CFAP54: variants seen among roughly 807,000 people sequenced by gnomAD.
CFAP54 encodes the protein cilia- and flagella-associated protein 54.
A neutral mutation model predicts 370.4 loss-of-function variants in CFAP54; 290 were observed. That is an observed-to-expected ratio of 0.78 (90% CI 0.71 to 0.86). CFAP54 has a LOEUF of 0.86. CFAP54 is among the 40% of genes least tolerant of loss of function. The probability of loss-of-function intolerance (pLI) is 0.00; values close to 1 mark genes in which losing one functional copy is unlikely to be tolerated. For missense variants in CFAP54, 3,399 were observed against 3,528.7 expected, an observed-to-expected ratio of 0.96 and a Z score of 0.93; for synonymous variants, 1,206 against 1,236.5, an observed-to-expected ratio of 0.98 and a Z score of 0.52.
chr12:96,603,288 C>G (rs186696023), intron 26 of CFAP54, among the ~76,000 whole-genome samples: 76 of 152,330 alleles, frequency 5.0e-4, no homozygotes, highest in African/African-American at 1.7e-3. Flanking sequence ...TTGTCCCCCA[C>G]TCTCTTCTGG....
chr12:96,739,716 A>G (rs1958027942), intron 50 of CFAP54, among the ~76,000 whole-genome samples: 2 of 152,136 alleles, frequency 1.3e-5, no homozygotes, highest in African/African-American at 4.8e-5. Context: ...TAGATGCTCA[A>G]TTTCAATAGG....
chr12:96,682,216 C>CAT, intron 40 of CFAP54: 1 of 985,592 alleles, frequency 1.0e-6, no homozygotes, highest in Non-Finnish European at 1.2e-6. Context: ...AGAGGAGATG[C>CAT]ATATGTCAAT....
intron 33 of CFAP54, chr12:96,646,000 G>C (rs1956785756): frequency 6.6e-6 from 1 of 152,090 alleles, no homozygotes; most frequent in Non-Finnish European, 1.5e-5. Flanking sequence ...AAAAACCCTA[G>C]AAGAAAACCT....
intron 32 of CFAP54, among the ~76,000 whole-genome samples, chr12:96,635,660 C>T (rs531244274): frequency 6.6e-6 from 1 of 152,338 alleles, no homozygotes; most frequent in African/African-American, 2.4e-5. Context: ...AGGCCACTCA[C>T]AAATGTGATA....
chr12:96,764,991 T>G, intron 59 of CFAP54, 86 bp from the exon 60 acceptor site: 1 of 1,023,766 alleles, frequency 9.8e-7, no homozygotes, highest in Admixed American at 3.1e-5. Flanking sequence ...TTTTATGAAT[T>G]CACTTTTTTC....
rs1158920420 is a variant in CFAP54, at chr12:96,838,095, C to G, written c.9171+9007C>G. Among the ~76,000 whole-genome samples the G allele has an allele frequency of 2.6e-5, 4 of 152,050 alleles. No individual in the cohort carries two copies. The East Asian group carries it at 7.7e-4, about 29-fold the overall frequency. Reference sequence around the variant, plus strand: ...AAATGATTGGAAAGTAATAGAATATCCTTAGAAAGATACACACATGATCAG... The same window carrying G: ...AAATGATTGGAAAGTAATAGAATATGCTTAGAAAGATACACACATGATCAG... On this transcript the variant is annotated intron_variant, in intron 66 of 67. Transcript: ENST00000524981.
Position 96,694,111 on chromosome 12 carries a change from A to G in CFAP54, c.6351+303A>G, listed in dbSNP as rs569163383. Among the ~76,000 whole-genome samples the G allele has an allele frequency of 4.6e-5, 7 of 152,368 alleles. No homozygotes were observed. The South Asian group carries it at 1.4e-3, about 32-fold the overall frequency. On this transcript the variant is annotated intron_variant, in intron 45 of 67. Coordinates refer to ENST00000524981, the MANE Select transcript of CFAP54 (RefSeq NM_001306084.2). ...GAGACTGGCTTCCTGGTGAAGACCA[A>G]CTGAACCAGATTTCTGAGCTTCTGT...
At chr12:96,668,941 T>C (rs1281586724) in intron 39 of CFAP54, among the ~76,000 whole-genome samples, 2 of 152,178 alleles carry the variant, frequency 1.3e-5, no homozygotes, top group Non-Finnish European at 2.9e-5. Flanking sequence ...GTATCTGCTA[T>C]GTGTGAAGTG....
intron 66 of CFAP54, among the ~76,000 whole-genome samples, chr12:96,837,401 A>G (rs1384547910): frequency 6.6e-6 from 1 of 152,144 alleles, no homozygotes; most frequent in Non-Finnish European, 1.5e-5. Context: ...CATCCAGTCT[A>G]TTTCAACCTA....
At chr12:96,673,167 T>C (rs765122317) in intron 39 of CFAP54, among the ~76,000 whole-genome samples, 32 of 152,254 alleles carry the variant, frequency 2.1e-4, no homozygotes, top group Non-Finnish European at 4.1e-4. Context: ...ATTTAGCTTC[T>C]TTAATTTTTA....
chr12:96,851,218 A>C (rs1006714636), intron 66 of CFAP54, among the ~76,000 whole-genome samples: 2 of 152,094 alleles, frequency 1.3e-5, no homozygotes, highest in African/African-American at 2.4e-5. Context: ...TTGACTATGA[A>C]ATAAATTTAC....
chr12:96,671,398 T>G (rs1052318640), intron 39 of CFAP54, among the ~76,000 whole-genome samples: 9 of 152,132 alleles, frequency 5.9e-5, no homozygotes, highest in Non-Finnish European at 1.0e-4. Context: ...GGGTTTTTTT[T>G]GTGTGTTTAT....
intron 24 of CFAP54, among the ~76,000 whole-genome samples, chr12:96,593,736 A>G (rs1380576791): frequency 6.6e-6 from 1 of 152,034 alleles, no homozygotes; most frequent in Non-Finnish European, 1.5e-5. Flanking sequence ...GAAAGGAAAA[A>G]GAGGAGTAAG....
intron 14 of CFAP54, among the ~76,000 whole-genome samples, chr12:96,544,254 A>G (rs1955612855): frequency 6.6e-6 from 1 of 152,156 alleles, no homozygotes; most frequent in African/African-American, 2.4e-5. Context: ...CTAAGTGACT[A>G]AAACAATAAG....
rs868370502 is a variant in CFAP54, at chr12:96,767,184, T to C, written c.8281+1966T>C. Among the ~76,000 whole-genome samples the C allele has an allele frequency of 2.6e-5, 4 of 152,304 alleles. No homozygotes were observed. In the Middle Eastern group the frequency reaches 0.01, roughly 389 times the overall value. On this transcript the variant is annotated intron_variant, in intron 60 of 67. Coordinates refer to ENST00000524981, the MANE Select transcript of CFAP54 (RefSeq NM_001306084.2). The stretch of plus-strand genomic sequence containing the variant: ...CAGGAAGGGAGAGAGGCATGGATGT[T>C]TGCTAAATGAAAATCCAAACTATCG...
chr12:96,611,396 T>C (rs1337474870), intron 26 of CFAP54, among the ~76,000 whole-genome samples: 1 of 152,152 alleles, frequency 6.6e-6, no homozygotes, highest in Non-Finnish European at 1.5e-5. Context: ...TACGTCACCA[T>C]CATCAAAGAC....
intron 50 of CFAP54, among the ~76,000 whole-genome samples, chr12:96,727,605 A>C (rs1474643540): frequency 2.7e-5 from 4 of 149,986 alleles, no homozygotes; most frequent in African/African-American, 9.9e-5. Context: ...AATACAGCAC[A>C]CTGATGGGTC....
intron 57 of CFAP54, among the ~76,000 whole-genome samples, chr12:96,756,794 G>A (rs34484): frequency 2.0e-5 from 3 of 151,960 alleles, no homozygotes; most frequent in African/African-American, 2.4e-5. Flanking sequence ...CCCAGATCTC[G>A]TGTCAGTCCC....
At chr12:96,633,099 A>G (rs11833160) in intron 32 of CFAP54, among the ~76,000 whole-genome samples, 64 of 152,172 alleles carry the variant, frequency 4.2e-4, no homozygotes, top group African/African-American at 1.3e-3. Context: ...TTATTTGTAG[A>G]TACAGTTTTT....
Sources: allele counts gnomAD v4.1 joint callset (sites outside exome capture counted in the v4.1 genomes callset), GRCh38; gene constraint gnomAD v4.1.1; transcripts MANE v1.5; gene names NCBI Gene and HGNC (gene_info 2026-07-23, HGNC 2026-07-21).